The following ZNHIT3 variants were observed in gnomAD, a reference collection of about 807,000 sequenced individuals.
The protein encoded by ZNHIT3 is zinc finger HIT domain-containing protein 3.
A neutral mutation model predicts 19.9 loss-of-function variants in ZNHIT3; 27 were observed. The observed-to-expected ratio is 1.36, with a 90% CI of 1.00 to 1.87. ZNHIT3 has a LOEUF of 1.87. Among genes scored for constraint, ZNHIT3 ranks in the 40% most tolerant of loss-of-function variants. ZNHIT3 has a pLI of 0.00. For synonymous variants in ZNHIT3, 81 were observed against 65.7 expected, an observed-to-expected ratio of 1.23 and a Z score of -1.13; for missense variants, 215 against 185.6, an observed-to-expected ratio of 1.16 and a Z score of -0.92.
In ZNHIT3 at chr17:36,486,871, G is replaced by A. The variant is rs1342304120; in HGVS notation, c.87-64G>A. 3.1e-6 allele frequency: 5 copies of A among 1,591,292 alleles called. No individual in the cohort carries two copies. In the Admixed American group the frequency reaches 5.3e-5, roughly 17 times the overall value. On this transcript the variant is annotated intron_variant, in intron 1 of 4. Transcript: ENST00000617429. The stretch of plus-strand genomic sequence containing the variant: ...AGGCCGGGAGGCCGGGCGGGAGCGG[G>A]CGGGCTGCTGGAGGGGCCGGGGACC...
chr17:36,492,909 T>G lies in ZNHIT3; in HGVS notation c.205+10T>G. On this transcript the variant is annotated intron_variant, in intron 3 of 4. Coordinates refer to ENST00000617429, the MANE Select transcript of ZNHIT3 (RefSeq NM_004773.4). ...CCTGTGGAAAACAAAGGTGGGTTGG[T>G]TGACTTCAAACAAATCTACAAGGGA... 6.2e-7 allele frequency: 1 copy of G among 1,613,832 alleles called. No homozygotes were observed. The highest frequency in any genetic ancestry group is 8.5e-7 in the Non-Finnish European group (1 of 1,179,732).
chr17:36,491,009 A>C (rs1270913737), intron 2 of ZNHIT3: 1 of 151,950 alleles, frequency 6.6e-6, no homozygotes, highest in Non-Finnish European at 1.5e-5. Flanking sequence ...ATTTTTGTGG[A>C]GATGAAGTCT....
At chr17:36,493,146 G>T in intron 3 of ZNHIT3, 1 of 553,774 alleles carries the variant, frequency 1.8e-6, no homozygotes, top group Non-Finnish European at 3.2e-6. Flanking sequence ...CCATGGCTGT[G>T]GTTTGGGGGT....
intron 2 of ZNHIT3, among the ~76,000 whole-genome samples, chr17:36,487,178 T>C (rs2070586128): frequency 6.6e-6 from 1 of 152,208 alleles, no homozygotes; most frequent in South Asian, 2.1e-4. Context: ...GTAATCGCTC[T>C]CAGGGTTTTG....
downstream of ZNHIT3, chr17:36,498,416 G>C: frequency 6.2e-7 from 1 of 1,614,040 alleles, no homozygotes; most frequent in African/African-American, 1.3e-5. Context: ...TATTGGCCAG[G>C]ACCAGTCCCA....
At chr17:36,498,647 T>G (rs2071223160), downstream of ZNHIT3, 1 of 1,407,222 alleles carries the variant, frequency 7.1e-7, no homozygotes, top group Admixed American at 2.5e-5. Context: ...TAACAAATCA[T>G]CTTAACAAGG....
Position 36,493,872 on chromosome 17 carries a change from G to A in ZNHIT3, c.206-54G>A. 1.4e-5 allele frequency: 18 copies of A among 1,270,828 alleles called. No homozygotes were observed. In the South Asian group the frequency reaches 2.1e-4, roughly 15 times the overall value. The allele number at this position is 1,270,828 out of a possible 1,614,324, so 78.7% of individuals were successfully genotyped here. A position where few individuals can be genotyped will look rare whatever the true frequency, so the allele number is the denominator to read the frequency against. ...CCTGTTCAAGTAGTGGTTAAAATCTGGTGCCCAGGCCTCCTTTTTAGCCAT... is the reference window on the plus strand; with the variant it reads ...CCTGTTCAAGTAGTGGTTAAAATCTAGTGCCCAGGCCTCCTTTTTAGCCAT... On this transcript the variant is annotated intron_variant, in intron 3 of 4. Coordinates refer to ENST00000617429, the MANE Select transcript of ZNHIT3 (RefSeq NM_004773.4).
chr17:36,486,776 G>A lies in ZNHIT3; in HGVS notation c.77G>A (p.Arg26His). 1 of 1,613,070 alleles carries A rather than the reference G, an allele frequency of 6.2e-7. No homozygotes were observed. Among genetic ancestry groups the A allele is most frequent in the Non-Finnish European group, 8.5e-7 (1 of 1,179,638 alleles). ...CCCAAATACCGCTGTCCAGCCTGCC[G>A]CGTGCCCTAGTGAGCGGGGAGGTCG... ...EKPKYRCPAC[R>H]VPYCSVVCFR... Residue 26 changes from arginine (R) to histidine (H), a missense_variant, in exon 1 of 5, where the codon CGC (arginine) becomes CAC (histidine). Coordinates refer to ENST00000617429, the MANE Select transcript of ZNHIT3 (RefSeq NM_004773.4).
At chr17:36,487,708 T>C (rs934887986) in intron 2 of ZNHIT3, among the ~76,000 whole-genome samples, 1 of 151,956 alleles carries the variant, frequency 6.6e-6, no homozygotes, top group African/African-American at 2.4e-5. Flanking sequence ...GGAGAATCGC[T>C]TGAACCCGGG....
intron 2 of ZNHIT3, among the ~76,000 whole-genome samples, chr17:36,487,511 T>C (rs192983831): frequency 1.3e-4 from 20 of 152,340 alleles, no homozygotes; most frequent in African/African-American, 4.6e-4. Flanking sequence ...AGAAGTGACC[T>C]GGCCGGGCGC....
intron 3 of ZNHIT3, 81 bp from the exon 4 acceptor site, chr17:36,493,845 A>G: frequency 2.1e-6 from 2 of 950,642 alleles, no homozygotes; most frequent in Admixed American, 1.9e-5. Flanking sequence ...ACACATTTTT[A>G]TCCTGTTCAA....
At chr17:36,494,591 G>A (rs945071171) in intron 4 of ZNHIT3, among the ~76,000 whole-genome samples, 1 of 152,218 alleles carries the variant, frequency 6.6e-6, no homozygotes, top group Non-Finnish European at 1.5e-5. Flanking sequence ...CCATTTCACA[G>A]AATCATGTTA....
intron 4 of ZNHIT3, 102 bp downstream of exon 4, chr17:36,494,108 G>A (rs1324571804): frequency 1.2e-6 from 1 of 844,998 alleles, no homozygotes; most frequent in African/African-American, 1.7e-5. Flanking sequence ...AGTATGGCAT[G>A]TAGGGCTCTT....
chr17:36,498,697 G>A (rs1599195403), downstream of ZNHIT3: 1 of 961,632 alleles, frequency 1.0e-6, no homozygotes, highest in East Asian at 2.6e-5. Context: ...TGGCTGCCCT[G>A]AACCAAACTG....
At position 36,495,392 on chromosome 17, in the gene ZNHIT3, T is replaced by C. The variant is rs1323633175; in HGVS notation, c.456T>C (p.Asn152=). ...TAGGAATTGTGGAGCCATCCCAGAA[T>C]GAGGAGTCTTAAGATGGATTATTGT... ...CCLGIVEPSQ[N]EES Residue 152 remains asparagine (N), a synonymous_variant, in exon 5 of 5, where the codon AAT becomes AAC. Transcript: ENST00000617429. 1 of 1,606,968 alleles carries C rather than the reference T, an allele frequency of 6.2e-7. No homozygotes were observed. The highest frequency in any genetic ancestry group is 8.5e-7 in the Non-Finnish European group (1 of 1,177,538).
intron 2 of ZNHIT3, chr17:36,490,018 A>T (rs2070691970): frequency 7.0e-6 from 1 of 143,122 alleles, no homozygotes; most frequent in Non-Finnish European, 1.5e-5. Flanking sequence ...TTTTGCAAAT[A>T]TTTTCTCCCA....
At chr17:36,495,151 T>C in intron 4 of ZNHIT3, 72 bp from the exon 5 acceptor site, 1 of 1,494,442 alleles carries the variant, frequency 6.7e-7, no homozygotes, top group East Asian at 2.3e-5. Flanking sequence ...TTGAAATAGC[T>C]CTTCACTTTT....
At chr17:36,498,719 C>G (rs2142704067), downstream of ZNHIT3, 1 of 752,892 alleles carries the variant, frequency 1.3e-6, no homozygotes, top group Admixed American at 2.9e-5. Context: ...TTCCATATGC[C>G]ACAAGTCTAT....
intron 3 of ZNHIT3, among the ~76,000 whole-genome samples, chr17:36,493,496 A>AG (rs2070773212): frequency 6.6e-6 from 1 of 152,258 alleles, no homozygotes; most frequent in Admixed American, 6.5e-5. Context: ...GGTTGGGTTC[A>AG]GGCAATGCCA....
Sources: gnomAD v4.1 joint callset for allele counts (sites outside exome capture counted in the v4.1 genomes callset) on GRCh38, gnomAD v4.1.1 for gene constraint, MANE v1.5 for transcripts, NCBI Gene and HGNC (gene_info 2026-07-23, HGNC 2026-07-21) for gene names.